The following CNTNAP2 variants were observed in gnomAD, a reference collection of about 807,000 sequenced individuals.
The protein encoded by CNTNAP2 is contactin associated protein 2.
CNTNAP2 carries 98 observed loss-of-function variants against 155.2 expected under a neutral mutation model. The observed-to-expected ratio is 0.63, with a 90% CI of 0.54 to 0.75. CNTNAP2 has a LOEUF of 0.75. CNTNAP2 is among the 30% of genes least tolerant of loss of function. The pLI is 0.00. For synonymous variants in CNTNAP2, 651 were observed against 631.2 expected (o/e 1.03, Z -0.47); for missense variants, 1,727 against 1,688.1 (o/e 1.02, Z -0.40).
At chr7:146,304,591 A>G (rs1800674101) in intron 1 of CNTNAP2, among the ~76,000 whole-genome samples, 1 of 152,078 alleles carries the variant, frequency 6.6e-6, no homozygotes, top group Non-Finnish European at 1.5e-5. Context: ...AATGTTGAAT[A>G]TTGGCCCCCA....
At chr7:147,546,630 A>G (rs1045388968) in intron 11 of CNTNAP2, among the ~76,000 whole-genome samples, 7 of 152,218 alleles carry the variant, frequency 4.6e-5, no homozygotes, top group Admixed American at 6.5e-5. Context: ...TAAATACTCA[A>G]TATGATTTGT....
rs1800046647 is a variant in CNTNAP2, at chr7:148,418,592, TC to T, written c.*2978del. Reference sequence around the variant, plus strand: ...TTGAATGAATGCAAGGTTAGTGAGATCCTAAGCTCTCAAAATAGCATATTCC... The same window carrying T: ...TTGAATGAATGCAAGGTTAGTGAGATCTAAGCTCTCAAAATAGCATATTCC... On this transcript the variant is annotated 3_prime_UTR_variant, in exon 24 of 24. Transcript: ENST00000361727. 6.6e-6 allele frequency: 1 copy of T among 152,234 alleles called. No homozygotes were observed. Among genetic ancestry groups the T allele is most frequent in the African/African-American group, 2.4e-5 (1 of 41,458 alleles). The allele number at this position is 152,234 out of a possible 1,614,324, so 9.4% of individuals were successfully genotyped here.
chr7:147,793,327 GT>G (rs1797848508), intron 13 of CNTNAP2, among the ~76,000 whole-genome samples: 1 of 152,028 alleles, frequency 6.6e-6, no homozygotes, highest in African/African-American at 2.4e-5. Context: ...TAGCAGTTAT[GT>G]TCATGTCTTT....
chr7:146,952,869 T>C (rs1411885458), intron 3 of CNTNAP2, among the ~76,000 whole-genome samples: 1 of 152,080 alleles, frequency 6.6e-6, no homozygotes, highest in Non-Finnish European at 1.5e-5. Context: ...ACAAATTTTT[T>C]ATAGACAGAA....
intron 14 of CNTNAP2, among the ~76,000 whole-genome samples, chr7:147,906,562 T>C (rs769084781): frequency 7.3e-5 from 11 of 150,866 alleles, no homozygotes; most frequent in Non-Finnish European, 1.3e-4. Flanking sequence ...GCAATCTCAG[T>C]GATTCTCCTG....
chr7:147,446,017 C>A (rs559768026), intron 10 of CNTNAP2, among the ~76,000 whole-genome samples: 5 of 146,562 alleles, frequency 3.4e-5, no homozygotes, highest in African/African-American at 1.4e-4. Flanking sequence ...TCTGAAGACT[C>A]TGATAAATCG....
At chr7:148,005,600 A>G (rs2214681) in intron 15 of CNTNAP2, among the ~76,000 whole-genome samples, 81,188 of 151,774 alleles carry the variant, frequency 0.53, 22,196 homozygotes, top group Admixed American at 0.62. Flanking sequence ...GAGTGGCACC[A>G]AGAGGAATGT....
chr7:146,794,633 G>A (rs1360575778), intron 2 of CNTNAP2, among the ~76,000 whole-genome samples: 1 of 152,092 alleles, frequency 6.6e-6, no homozygotes, highest in African/African-American at 2.4e-5. Context: ...CATGGTGTCT[G>A]TTGTATGTAG....
intron 15 of CNTNAP2, among the ~76,000 whole-genome samples, chr7:148,011,252 T>C (rs1305109772): frequency 6.6e-6 from 1 of 151,726 alleles, no homozygotes; most frequent in Non-Finnish European, 1.5e-5. Flanking sequence ...TGTCCATTTA[T>C]TTTTATCACT....
intron 20 of CNTNAP2, among the ~76,000 whole-genome samples, chr7:148,234,646 C>T (rs539552954): frequency 6.6e-6 from 1 of 152,186 alleles, no homozygotes; most frequent in East Asian, 1.9e-4. Context: ...GAATTCAGCC[C>T]AAACAAGTCT....
intron 10 of CNTNAP2, among the ~76,000 whole-genome samples, chr7:147,407,093 A>G (rs1303398212): frequency 6.6e-6 from 1 of 152,210 alleles, no homozygotes; most frequent in Non-Finnish European, 1.5e-5. Flanking sequence ...ATGACATAAA[A>G]GTGCATTGCT....
intron 11 of CNTNAP2, among the ~76,000 whole-genome samples, chr7:147,511,641 G>A (rs1799024388): frequency 6.6e-6 from 1 of 151,916 alleles, no homozygotes; most frequent in South Asian, 2.1e-4. Context: ...AGAGAGAAAG[G>A]AGACTAAAAA....
chr7:147,856,802 G>T (rs60288586), intron 13 of CNTNAP2, among the ~76,000 whole-genome samples: 2 of 152,068 alleles, frequency 1.3e-5, no homozygotes, highest in Non-Finnish European at 2.9e-5. Context: ...GGAAATTTTG[G>T]GGGGAGTGGG....
At chr7:147,532,331 T>C (rs771590683) in intron 11 of CNTNAP2, among the ~76,000 whole-genome samples, 1 of 152,202 alleles carries the variant, frequency 6.6e-6, no homozygotes, top group Non-Finnish European at 1.5e-5. Context: ...TTGCTAAACA[T>C]AACAAAACTT....
chr7:147,170,334 G>A (rs990374384), intron 8 of CNTNAP2, among the ~76,000 whole-genome samples: 6 of 152,104 alleles, frequency 3.9e-5, no homozygotes, highest in African/African-American at 1.4e-4. Flanking sequence ...GTGCTCTGAA[G>A]TGTGAGGGGG....
intron 21 of CNTNAP2, among the ~76,000 whole-genome samples, chr7:148,319,688 A>C (rs1355935831): frequency 1.3e-5 from 2 of 151,864 alleles, no homozygotes; most frequent in African/African-American, 2.4e-5. Flanking sequence ...TGTACTGTGC[A>C]TGCGAGGGAT....
chr7:147,319,631 G>A (rs967998487), intron 9 of CNTNAP2, among the ~76,000 whole-genome samples: 22 of 152,070 alleles, frequency 1.4e-4, no homozygotes, highest in African/African-American at 5.1e-4. Flanking sequence ...GCCCACCTCG[G>A]CCTCCCAAAT....
intron 15 of CNTNAP2, among the ~76,000 whole-genome samples, chr7:148,009,649 T>C (rs1802040275): frequency 6.6e-6 from 1 of 152,138 alleles, no homozygotes; most frequent in Non-Finnish European, 1.5e-5. Context: ...TGTATGTGTG[T>C]GCTCTGTATG....
intron 21 of CNTNAP2, among the ~76,000 whole-genome samples, chr7:148,283,307 G>GAAAGAAA (rs869305935): frequency 1.7e-5 from 1 of 58,352 alleles, no homozygotes; most frequent in Non-Finnish European, 3.2e-5. Flanking sequence ...AAGAAAGAAA[G>GAAAGAAA]GAAGGAAGGA....
Sources: gnomAD v4.1 joint callset for allele counts (sites outside exome capture counted in the v4.1 genomes callset) on GRCh38, gnomAD v4.1.1 for gene constraint, MANE v1.5 for transcripts, NCBI Gene and HGNC (gene_info 2026-07-23, HGNC 2026-07-21) for gene names.